The following GALNT9 variants were observed in gnomAD, a reference collection of about 807,000 sequenced individuals.
The protein encoded by GALNT9 is GalNAc transferase 9.
In GALNT9, 47 loss-of-function variants were observed where a neutral mutation model predicts 63.1. The ratio of observed to expected loss-of-function variants is 0.75; its 90% CI spans 0.59 to 0.95. The LOEUF is 0.95. Ranked by LOEUF, GALNT9 falls within the 40% of genes least tolerant of loss-of-function variation. The probability of loss-of-function intolerance (pLI) is 0.00; values close to 1 mark genes in which losing one functional copy is unlikely to be tolerated. For synonymous variants in GALNT9, 396 were observed against 365.7 expected (o/e 1.08, Z -0.94); for missense variants, 829 against 874.8 (o/e 0.95, Z 0.66).
intron 5 of GALNT9, among the ~76,000 whole-genome samples, chr12:132,251,131 C>T (rs1449711098): frequency 6.6e-6 from 1 of 152,164 alleles, no homozygotes; most frequent in Non-Finnish European, 1.5e-5. Flanking sequence ...GGTACACGTA[C>T]GTGCAGATGT....
rs372565696 is a variant in GALNT9, at chr12:132,286,321, C to T, written c.348G>A (p.Glu116=). The stretch of plus-strand genomic sequence containing the variant: ...CGCTGAGCTGAGCGTTGTAGCCGTA[C>T]TCCTCATACTTGCCTTCCGCCTCCT... ...DGQEAEGKYE[E]YGYNAQLSDR... Residue 116 remains glutamate, a synonymous_variant, in exon 2 of 11, where the codon GAG becomes GAA. Coordinates refer to ENST00000328957, the MANE Select transcript of GALNT9 (RefSeq NM_001122636.2). The surrounding 1 kb of genome is among the most constrained non-coding windows in gnomAD (Gnocchi z 7.4). The T allele has an allele frequency of 5.2e-6, 8 of 1,551,182 alleles. No individual in the cohort carries two copies. The highest frequency in any genetic ancestry group is 7.0e-6 in the Non-Finnish European group (8 of 1,146,918).
intron 5 of GALNT9, among the ~76,000 whole-genome samples, chr12:132,256,127 T>C (rs1879100916): frequency 6.6e-6 from 1 of 152,156 alleles, no homozygotes; most frequent in African/African-American, 2.4e-5. Flanking sequence ...TTTTGGCCCA[T>C]TTTGACTGAT....
intron 6 of GALNT9, among the ~76,000 whole-genome samples, chr12:132,228,033 T>C (rs1426659378): frequency 6.6e-6 from 1 of 152,106 alleles, no homozygotes; most frequent in African/African-American, 2.4e-5. Flanking sequence ...GCCTGCTCTG[T>C]GGTCTGCTGG....
At chr12:132,293,918 C>T (rs963453013) in intron 1 of GALNT9, among the ~76,000 whole-genome samples, 6 of 152,242 alleles carry the variant, frequency 3.9e-5, no homozygotes, top group South Asian at 4.1e-4. Flanking sequence ...CCAGGGGACC[C>T]CATCTACAGT....
At chr12:132,209,249 G>A (rs188997717) in intron 6 of GALNT9, among the ~76,000 whole-genome samples, 72 of 152,240 alleles carry the variant, frequency 4.7e-4, no homozygotes, top group African/African-American at 1.6e-3. Flanking sequence ...GCAGTAGGCC[G>A]GGTGCGGTGG....
In GALNT9 at chr12:132,238,424, G is replaced by A. The variant is rs984776807; in HGVS notation, c.1077+9486C>T. Among the ~76,000 whole-genome samples the A allele has an allele frequency of 6.6e-6, 1 of 152,186 alleles. No homozygotes were observed. The highest frequency in any genetic ancestry group is 2.4e-5 in the African/African-American group (1 of 41,438). On this transcript the variant is annotated intron_variant, in intron 6 of 10. Transcript: ENST00000328957. This position sits in a 1 kb window ranked among gnomAD's most constrained non-coding sequence, Gnocchi z 6.5. ...ACTACGGCTTCCTGTAAGGGGGAGT[G>A]GAGGCCGGGGCAGCAGCCGCAGGGG...
chr12:132,226,799 T>A (rs1284545682), intron 6 of GALNT9, among the ~76,000 whole-genome samples: 7 of 131,394 alleles, frequency 5.3e-5, no homozygotes, highest in African/African-American at 1.8e-4. Context: ...ACACCCCATA[T>A]ACACACCCAC....
At chr12:132,305,714 T>G (rs1593117912) in intron 1 of GALNT9, among the ~76,000 whole-genome samples, 1 of 152,070 alleles carries the variant, frequency 6.6e-6, no homozygotes, top group Non-Finnish European at 1.5e-5. Context: ...GGCACAGCCT[T>G]GCCTGGGTGG....
At chr12:132,216,137 T>C (rs749826028) in intron 6 of GALNT9, among the ~76,000 whole-genome samples, 10 of 148,828 alleles carry the variant, frequency 6.7e-5, no homozygotes, top group Non-Finnish European at 1.5e-4. Flanking sequence ...GACAGAAAGA[T>C]ACAGAGACAC....
chr12:132,256,166 C>A (rs1879102327), intron 5 of GALNT9, among the ~76,000 whole-genome samples: 1 of 152,176 alleles, frequency 6.6e-6, no homozygotes, highest in Admixed American at 6.5e-5. Flanking sequence ...CCATCCTTTT[C>A]CAGCAGAGAA....
Position 132,329,294 on chromosome 12 carries a change from G to C in GALNT9, c.-91C>G, listed in dbSNP as rs1869194165. Reference sequence around the variant, plus strand: ...TCAGCTTCGGCTTCGGGGACCATGAGCCGCCCGGGGCTGCGGGGGCTGCGG... The same window carrying C: ...TCAGCTTCGGCTTCGGGGACCATGACCCGCCCGGGGCTGCGGGGGCTGCGG... On this transcript the variant is annotated 5_prime_UTR_variant, in exon 1 of 11. Transcript: ENST00000328957. The C allele has an allele frequency of 6.9e-7, 1 of 1,458,872 alleles. No homozygotes were observed. The highest frequency in any genetic ancestry group is 1.4e-5 in the South Asian group (1 of 71,468). The allele number at this position is 1,458,872 out of a possible 1,614,324, so 90.4% of individuals were successfully genotyped here.
At position 132,286,519 on chromosome 12, in the gene GALNT9, C is replaced by T. The variant is rs28697012; in HGVS notation, c.239-89G>A. On this transcript the variant is annotated intron_variant, in intron 1 of 10. Transcript: ENST00000328957. This position sits in a 1 kb window ranked among gnomAD's most constrained non-coding sequence, Gnocchi z 7.4. Reference sequence around the variant, plus strand: ...ACGCCCCTCCCGCCCCTCTCCCCGACGGCCGCTTCCCCCGGTACAAGCCCA... The same window carrying T: ...ACGCCCCTCCCGCCCCTCTCCCCGATGGCCGCTTCCCCCGGTACAAGCCCA... The T allele has an allele frequency of 9.5e-5, 138 of 1,449,558 alleles. 1 individual carries two copies. The Middle Eastern group carries it at 1.3e-3, about 13-fold the overall frequency. The allele number at this position is 1,449,558 out of a possible 1,614,324, so 89.8% of individuals were successfully genotyped here.
At chr12:132,226,879 C>T (rs934679711) in intron 6 of GALNT9, among the ~76,000 whole-genome samples, 1 of 150,590 alleles carries the variant, frequency 6.6e-6, no homozygotes, top group South Asian at 2.1e-4. Context: ...ACACCCCACA[C>T]ACATACACTC....
chr12:132,297,791 C>T (rs1320501276), intron 1 of GALNT9, among the ~76,000 whole-genome samples: 21 of 151,788 alleles, frequency 1.4e-4, no homozygotes, highest in African/African-American at 5.1e-4. Flanking sequence ...CCCACAATAA[C>T]CAACTCACTC....
chr12:132,262,591 G>C lies in GALNT9; in HGVS notation c.454C>G (p.Gln152Glu), dbSNP rs1879439529. The stretch of plus-strand genomic sequence containing the variant: ...ACGAAGATGAAGACCACGGAGACCT[G>C]GGGCAGGTCCTGGGCGTAGCTCATC... ...RQMSYAQDLP[Q>E]VSVVFIFVNE... The change falls in exon 3 of 11, where the codon CAG becomes GAG. Residue 152 changes from glutamine (Q) to glutamate (E), a missense_variant. Coordinates refer to ENST00000328957, the MANE Select transcript of GALNT9 (RefSeq NM_001122636.2). 6.4e-7 allele frequency: 1 copy of C among 1,551,344 alleles called. No homozygotes were observed. The highest frequency in any genetic ancestry group is 8.7e-7 in the Non-Finnish European group (1 of 1,146,814).
At chr12:132,208,567 C>T (rs1028972058) in intron 6 of GALNT9, among the ~76,000 whole-genome samples, 5 of 152,184 alleles carry the variant, frequency 3.3e-5, no homozygotes, top group Non-Finnish European at 5.9e-5. Context: ...GTAACCTGGC[C>T]GCCAGCATGA....
At chr12:132,244,083 C>A (rs1282777572) in intron 6 of GALNT9, among the ~76,000 whole-genome samples, 1 of 150,046 alleles carries the variant, frequency 6.7e-6, no homozygotes, top group African/African-American at 2.5e-5. Flanking sequence ...CAGAGTGAGG[C>A]CTCGGGCCGG....
intron 7 of GALNT9, among the ~76,000 whole-genome samples, chr12:132,202,306 A>C (rs1454848294): frequency 6.6e-6 from 1 of 152,096 alleles, no homozygotes; most frequent in African/African-American, 2.4e-5. Flanking sequence ...TTATCACTTC[A>C]TGGAAAACAA....
At chr12:132,199,853 A>AG (rs1432758314) in intron 8 of GALNT9, among the ~76,000 whole-genome samples, 1 of 152,150 alleles carries the variant, frequency 6.6e-6, no homozygotes, top group East Asian at 1.9e-4. Flanking sequence ...CTCGTGAGCA[A>AG]GTGTAGATGC....
Sources: allele counts gnomAD v4.1 joint callset (sites outside exome capture counted in the v4.1 genomes callset), GRCh38; gene constraint gnomAD v4.1.1; non-coding constraint Gnocchi (gnomAD v3.1); transcripts MANE v1.5; gene names NCBI Gene and HGNC (gene_info 2026-07-23, HGNC 2026-07-21).